The following COL16A1 variants were observed in gnomAD, a reference collection of about 807,000 sequenced individuals.
The protein encoded by COL16A1 is collagen alpha-1(XVI) chain.
In COL16A1, 189 loss-of-function variants were observed where a neutral mutation model predicts 266.3. The observed-to-expected ratio is 0.71, with a 90% CI of 0.63 to 0.80. The LOEUF (loss-of-function observed/expected upper bound fraction) is 0.80. Among genes scored for constraint, COL16A1 ranks in the 30% least tolerant of loss-of-function variants. The probability of loss-of-function intolerance (pLI) is 0.00; values close to 1 mark genes in which losing one functional copy is unlikely to be tolerated. For synonymous variants in COL16A1, 740 were observed against 782.3 expected, an observed-to-expected ratio of 0.95 and a Z score of 0.90; for missense variants, 1,928 against 2,122.4, an observed-to-expected ratio of 0.91 and a Z score of 1.80.
chr1:31,671,725 C>T, intron 47 of COL16A1, 66 bp from the exon 48 acceptor site: 2 of 1,602,746 alleles, frequency 1.2e-6, no homozygotes, highest in Non-Finnish European at 1.7e-6. Flanking sequence ...GGGATTCCAG[C>T]AGCCTTCCTC....
intron 11 of COL16A1, among the ~76,000 whole-genome samples, chr1:31,694,840 G>A (rs1644424346): frequency 6.6e-6 from 1 of 152,200 alleles, no homozygotes; most frequent in African/African-American, 2.4e-5. Flanking sequence ...AGGCCTCCAG[G>A]AGAATGAAGG....
chr1:31,679,251 T>A (rs1643422289), intron 42 of COL16A1: 1 of 685,608 alleles, frequency 1.5e-6, no homozygotes, highest in East Asian at 2.8e-5. Context: ...GCCACTACTG[T>A]ATTCACAGCA....
At position 31,684,750 on chromosome 1, in the gene COL16A1, A is replaced by G. The variant is rs912445737; in HGVS notation, c.2052+71T>C. 1.7e-5 allele frequency: 27 copies of G among 1,611,778 alleles called. No homozygotes were observed. In the African/African-American group the frequency reaches 3.5e-4, roughly 21 times the overall value. ...GCTGAGGGTTGGGGGCTAGGGAGGG[A>G]GGAAAATGAGGCAAGGAGGGGATCT... is the stretch of plus-strand genomic sequence containing the variant. On this transcript the variant is annotated intron_variant, in intron 30 of 70. Coordinates refer to ENST00000373672, the MANE Select transcript of COL16A1 (RefSeq NM_001856.4).
At chr1:31,662,311 G>A (rs370407752) in intron 58 of COL16A1, 23 bp downstream of exon 58, 77 of 1,278,392 alleles carry the variant, frequency 6.0e-5, no homozygotes, top group Non-Finnish European at 8.5e-5. Context: ...AGGGGTGCCC[G>A]CCCTCCCAGC....
intron 66 of COL16A1, 85 bp from the exon 67 acceptor site, chr1:31,655,587 C>T (rs1450841330): frequency 5.7e-6 from 9 of 1,570,634 alleles, no homozygotes; most frequent in African/African-American, 1.3e-5. Context: ...TCCCACCAGG[C>T]CCCCAGCGTC....
At chr1:31,679,585 C>A in intron 42 of COL16A1, 47 bp downstream of exon 42, 5 of 1,614,144 alleles carry the variant, frequency 3.1e-6, no homozygotes, top group Non-Finnish European at 4.2e-6. Context: ...CCATCCTGAC[C>A]CATGAGCTCT....
At chr1:31,689,124 G>A (rs376925844) in intron 23 of COL16A1, 39 bp from the exon 24 acceptor site, 21 of 1,612,654 alleles carry the variant, frequency 1.3e-5, no homozygotes, top group Middle Eastern at 1.9e-4. Flanking sequence ...GGCAGGGCAC[G>A]ATGGGGCACC....
At chr1:31,658,885 G>C in intron 63 of COL16A1, 29 bp downstream of exon 63, 1 of 1,551,748 alleles carries the variant, frequency 6.4e-7, no homozygotes, top group Admixed American at 2.0e-5. Context: ...ACTCCTGGGA[G>C]GGAGGAAGGA....
At chr1:31,677,794 G>A (rs1356222942) in intron 42 of COL16A1, among the ~76,000 whole-genome samples, 1 of 152,148 alleles carries the variant, frequency 6.6e-6, no homozygotes, top group Non-Finnish European at 1.5e-5. Context: ...CAGCAGCCTC[G>A]GCTTGGTCTC....
At chr1:31,654,969 T>TTA in intron 67 of COL16A1, 111 bp from the exon 68 acceptor site, 25 of 746,210 alleles carry the variant, frequency 3.4e-5, no homozygotes, top group Non-Finnish European at 4.7e-5. Flanking sequence ...CTCCCACAGA[T>TTA]TCTTTTTTTT....
chr1:31,691,784 A>G, intron 17 of COL16A1, 142 bp from the exon 18 acceptor site: 1 of 1,227,832 alleles, frequency 8.1e-7, no homozygotes, highest in East Asian at 2.6e-5. Flanking sequence ...AGGTCAGCAC[A>G]TGTCAACCTT....
chr1:31,695,643 G>A, intron 10 of COL16A1, 118 bp downstream of exon 10: 1 of 988,762 alleles, frequency 1.0e-6, no homozygotes, highest in Non-Finnish European at 1.6e-6. Context: ...AGGCCCTCAA[G>A]GAATGCCAGG....
intron 52 of COL16A1, among the ~76,000 whole-genome samples, chr1:31,666,555 G>A (rs911508738): frequency 1.3e-5 from 2 of 151,984 alleles, no homozygotes; most frequent in Admixed American, 6.6e-5. Context: ...ACACCCCCAG[G>A]CCTTTGCACC....
intron 48 of COL16A1, 92 bp downstream of exon 48, chr1:31,671,523 A>G: frequency 6.5e-7 from 1 of 1,530,380 alleles, no homozygotes. Flanking sequence ...TGCCTTGCCC[A>G]GCCTTTTGGG....
In COL16A1 at chr1:31,656,304, T is replaced by A. The variant is rs1268442666; in HGVS notation, c.4101+96A>T. The A allele has an allele frequency of 6.4e-7, 1 of 1,551,640 alleles. No homozygotes were observed. The highest frequency in any genetic ancestry group is 8.7e-7 in the Non-Finnish European group (1 of 1,150,566). ...ATTTTTGCCCCCTGCCCACTGGCCT[T>A]CCTGTGTCTCCTCTCTGTGGCTAAA... On this transcript the variant is annotated intron_variant, in intron 66 of 70. Transcript: ENST00000373672. The surrounding 1 kb of genome is among the most constrained non-coding windows in gnomAD (Gnocchi z 4.2).
intron 63 of COL16A1, 145 bp downstream of exon 63, chr1:31,658,769 T>A (rs1381728298): frequency 8.0e-6 from 9 of 1,131,538 alleles, no homozygotes; most frequent in Non-Finnish European, 1.2e-5. Context: ...GAAGGCGAGA[T>A]CTTTGGAGGC....
At position 31,670,185 on chromosome 1, in the gene COL16A1, A is replaced by C; in HGVS notation, c.3195+417T>G. Reference sequence around the variant, plus strand: ...AGGGCCCCAAGAACTACTTTCAGCAAATCTTCAGGCAACGCCGAAGGTGGT... The same window carrying C: ...AGGGCCCCAAGAACTACTTTCAGCACATCTTCAGGCAACGCCGAAGGTGGT... On this transcript the variant is annotated intron_variant, in intron 49 of 70. Transcript: ENST00000373672. This position sits in a 1 kb window ranked among gnomAD's most constrained non-coding sequence, Gnocchi z 4.5. 2 of 179,058 alleles carry C rather than the reference A, an allele frequency of 1.1e-5. No individual in the cohort carries two copies. Among genetic ancestry groups the C allele is most frequent in the Non-Finnish European group, 2.3e-5 (2 of 86,258 alleles). 11.1% of individuals were successfully genotyped at this position (179,058 alleles called of 1,614,324 possible).
chr1:31,672,416 C>A lies in COL16A1; in HGVS notation c.3105G>T (p.Glu1035Asp), dbSNP rs1264665933. 1 of 1,614,090 alleles carries A rather than the reference C, an allele frequency of 6.2e-7. No homozygotes were observed. Among genetic ancestry groups the A allele is most frequent in the South Asian group, 1.1e-5 (1 of 91,072 alleles). The change falls in exon 47 of 71, where the codon GAG (glutamate) becomes GAT (aspartate). Residue 1035 changes from glutamate (E) to aspartate (D), a missense_variant and splice_region_variant. Glu to Asp is a conservative substitution (Grantham distance 45). Around this residue, in one of 2 missense-constraint regions of COL16A1, gnomAD observed 1,552 missense variants for 1,637.2 expected, o/e 0.95. Coordinates refer to ENST00000373672, the MANE Select transcript of COL16A1 (RefSeq NM_001856.4). ...GATGAATCCCCATCCCTGGTCTTACCTCTTCTCCTCTCTGGCCTGGCAATC... is the reference window on the plus strand; with the variant it reads ...GATGAATCCCCATCCCTGGTCTTACATCTTCTCCTCTCTGGCCTGGCAATC... ...PPGLPGQRGE[E>D]GPPGMRGSPG...
Position 31,666,038 on chromosome 1 carries a change from G to T in COL16A1, c.3401C>A (p.Ala1134Glu). Reference protein sequence around the residue: ...SEGLPGPPGPAGPRGERGPQG... With the variant: ...SEGLPGPPGPEGPRGERGPQG... Reference sequence around the variant, plus strand: ...CTCCCCATGCCCTCCTTCACTCACCGCTGGGCCTGGGGGGCCTGGGAGGCC... The same window carrying T: ...CTCCCCATGCCCTCCTTCACTCACCTCTGGGCCTGGGGGGCCTGGGAGGCC... Residue 1134 changes from alanine to glutamate, a missense_variant and splice_region_variant, in exon 53 of 71, where the codon GCG (alanine) becomes GAG (glutamate). Around this residue, in one of 2 missense-constraint regions of COL16A1, gnomAD observed 1,552 missense variants for 1,637.2 expected, o/e 0.95. Transcript: ENST00000373672. 6.2e-7 allele frequency: 1 copy of T among 1,613,938 alleles called. No individual in the cohort carries two copies. The highest frequency in any genetic ancestry group is 1.1e-5 in the South Asian group (1 of 91,088).
Sources: gnomAD v4.1 joint callset for allele counts (sites outside exome capture counted in the v4.1 genomes callset) on GRCh38, gnomAD v4.1.1 for gene constraint, gnomAD v4.1.1 regional missense constraint, Gnocchi (gnomAD v3.1) non-coding constraint, MANE v1.5 for transcripts, NCBI Gene and HGNC (gene_info 2026-07-23, HGNC 2026-07-21) for gene names.